Variants in LRP1B observed in about 807,000 individuals in gnomAD.
LRP1B encodes LDL receptor related protein 1B.
Under a neutral mutation model 556.6 loss-of-function variants are expected in LRP1B, and 217 were observed. The ratio of observed to expected loss-of-function variants is 0.39; its 90% CI spans 0.35 to 0.44. The LOEUF is 0.44. LRP1B is among the 20% of genes least tolerant of loss of function. The pLI is 1.00. For synonymous variants in LRP1B, 2,047 were observed against 1,865.8 expected, an observed-to-expected ratio of 1.10 and a Z score of -2.50; for missense variants, 5,053 against 5,620.8, an observed-to-expected ratio of 0.90 and a Z score of 3.23.
rs187574088 is a variant in LRP1B, at chr2:140,327,658, C to T, written c.12224-1780G>A. ...AGTAGCTAAAACAAAAACCTGTTCC[C>T]GGTAACATTAGTTTTAGACTTAAAA... On this transcript the variant is annotated intron_variant, in intron 79 of 90. Coordinates refer to ENST00000389484, the MANE Select transcript of LRP1B (RefSeq NM_018557.3). 5.1e-3 allele frequency among the ~76,000 whole-genome samples: 770 copies of T among 152,012 alleles called. 6 individuals are homozygous for T. Among genetic ancestry groups the T allele is most frequent in the Non-Finnish European group, 8.3e-3 (566 of 67,922 alleles).
chr2:141,374,876 T>G (rs1340276957), intron 3 of LRP1B, among the ~76,000 whole-genome samples: 1 of 152,188 alleles, frequency 6.6e-6, no homozygotes, highest in Admixed American at 6.5e-5. Flanking sequence ...CAATAAATTA[T>G]TTTTTATTAG....
At chr2:141,668,820 G>T (rs1339938087) in intron 2 of LRP1B, among the ~76,000 whole-genome samples, 1 of 152,116 alleles carries the variant, frequency 6.6e-6, no homozygotes, top group African/African-American at 2.4e-5. Context: ...GGGGCTTTGG[G>T]AGTTGCAGGC....
chr2:140,867,860 G>A, intron 26 of LRP1B, 26 bp from the exon 27 acceptor site: 5 of 1,493,992 alleles, frequency 3.3e-6, no homozygotes, highest in Non-Finnish European at 4.5e-6. Flanking sequence ...TACATGAGTA[G>A]TTTGTCAAAA....
At chr2:141,302,716 A>G (rs1343963610) in intron 3 of LRP1B, among the ~76,000 whole-genome samples, 1 of 152,230 alleles carries the variant, frequency 6.6e-6, no homozygotes, top group Middle Eastern at 3.4e-3. Context: ...TTCATAAAAA[A>G]CAAATAATAC....
chr2:140,562,954 TA>T (rs1196472146), intron 43 of LRP1B, among the ~76,000 whole-genome samples: 1 of 152,018 alleles, frequency 6.6e-6, no homozygotes, highest in African/African-American at 2.4e-5. Flanking sequence ...TAAAATTAAA[TA>T]AAAAAATTAA....
intron 58 of LRP1B, among the ~76,000 whole-genome samples, chr2:140,485,843 A>ACG (rs1235802034): frequency 3.0e-5 from 3 of 101,592 alleles, no homozygotes; most frequent in African/African-American, 1.3e-4. Context: ...ATTCTCACGC[A>ACG]CATACACACA....
chr2:140,923,075 A>G lies in LRP1B; in HGVS notation c.3209T>C (p.Leu1070Ser), dbSNP rs759854393. ...GTCTTTTTCTCCATCACAGCGCCAC[A>G]AATCAGGAACGCAATTACCATCAGG... Reference protein sequence around the residue: ...CHPDGNCVPDLWRCDGEKDCE... With the variant: ...CHPDGNCVPDSWRCDGEKDCE... Residue 1070 changes from leucine (L) to serine (S), a missense_variant, in exon 21 of 91, where the codon TTG becomes TCG. This residue lies in a region of LRP1B where 3,619 missense variants were observed against 3,931.9 expected (regional missense o/e 0.92). Coordinates refer to ENST00000389484, the MANE Select transcript of LRP1B (RefSeq NM_018557.3). 2.8e-5 allele frequency: 45 copies of G among 1,612,986 alleles called. 1 individual carries two copies. Among genetic ancestry groups the G allele is most frequent in the Non-Finnish European group, 3.7e-5 (44 of 1,179,416 alleles).
At chr2:140,418,920 AGGAACCACCATT>A in intron 66 of LRP1B, among the ~76,000 whole-genome samples, 1 of 146,998 alleles carries the variant, frequency 6.8e-6, no homozygotes, top group Admixed American at 6.9e-5. Flanking sequence ...ATAGTGTGTA[AGGAACCACCATT>A]CTTAGTAACT....
intron 20 of LRP1B, among the ~76,000 whole-genome samples, chr2:140,938,266 T>C (rs957076762): frequency 3.9e-5 from 6 of 152,192 alleles, no homozygotes; most frequent in African/African-American, 7.2e-5. Context: ...TTGTGTGAAC[T>C]GAATAGTGTG....
At chr2:140,919,665 A>G (rs920347775) in intron 21 of LRP1B, among the ~76,000 whole-genome samples, 2 of 152,030 alleles carry the variant, frequency 1.3e-5, no homozygotes, top group Non-Finnish European at 2.9e-5. Context: ...AGCTCAGCAC[A>G]CCACTTGATA....
chr2:141,988,344 A>C (rs559568795), intron 1 of LRP1B, among the ~76,000 whole-genome samples: 4 of 151,822 alleles, frequency 2.6e-5, no homozygotes, highest in Non-Finnish European at 5.9e-5. Flanking sequence ...TTGGTTGTAG[A>C]ATAGATTCAA....
chr2:141,172,410 G>C (rs555560062), intron 7 of LRP1B, among the ~76,000 whole-genome samples: 3 of 151,950 alleles, frequency 2.0e-5, no homozygotes, highest in Non-Finnish European at 2.9e-5. Flanking sequence ...GCTCAGTTAC[G>C]TTATGAAAAA....
chr2:141,767,410 T>A (rs71417158), intron 2 of LRP1B, among the ~76,000 whole-genome samples: 4 of 151,986 alleles, frequency 2.6e-5, no homozygotes, highest in Non-Finnish European at 5.9e-5. Context: ...ATTACTAAAG[T>A]TATTGGATAG....
chr2:141,497,648 T>A (rs1683555908), intron 2 of LRP1B, among the ~76,000 whole-genome samples: 1 of 151,954 alleles, frequency 6.6e-6, no homozygotes, highest in Non-Finnish European at 1.5e-5. Flanking sequence ...CTCTTTAATT[T>A]TCCCTACGAT....
intron 31 of LRP1B, among the ~76,000 whole-genome samples, chr2:140,817,460 G>A (rs929829399): frequency 9.2e-5 from 14 of 151,456 alleles, no homozygotes; most frequent in African/African-American, 2.2e-4. Context: ...TATCAGTCCC[G>A]AATTTTCCTT....
intron 1 of LRP1B, among the ~76,000 whole-genome samples, chr2:141,990,341 A>C (rs1559007128): frequency 6.6e-6 from 1 of 152,102 alleles, no homozygotes. Flanking sequence ...TAAAATTTAA[A>C]AATATTAATC....
intron 2 of LRP1B, among the ~76,000 whole-genome samples, chr2:141,809,622 C>G (rs1406980219): frequency 6.6e-6 from 1 of 151,816 alleles, no homozygotes; most frequent in Non-Finnish European, 1.5e-5. Flanking sequence ...ATGGAAAAAG[C>G]CTTCGGTGGA....
intron 21 of LRP1B, among the ~76,000 whole-genome samples, chr2:140,919,150 T>C (rs1694666585): frequency 6.6e-6 from 1 of 152,134 alleles, no homozygotes; most frequent in Non-Finnish European, 1.5e-5. Context: ...TTTCTTCACA[T>C]ATGTTAAAAT....
chr2:140,243,021 G>T (rs1046222621), intron 87 of LRP1B, among the ~76,000 whole-genome samples: 13 of 151,122 alleles, frequency 8.6e-5, no homozygotes, highest in Non-Finnish European at 1.9e-4. Flanking sequence ...CTCAGCGGAA[G>T]TATCACCACT....
Sources: allele counts gnomAD v4.1 joint callset (sites outside exome capture counted in the v4.1 genomes callset), GRCh38; gene constraint gnomAD v4.1.1; regional missense constraint gnomAD v4.1.1; transcripts MANE v1.5; gene names NCBI Gene and HGNC (gene_info 2026-07-23, HGNC 2026-07-21).